The following NIPBL variants were observed in gnomAD, a reference collection of about 807,000 sequenced individuals.
NIPBL encodes the protein nipped-B-like protein.
NIPBL carries 19 observed loss-of-function variants against 321.8 expected under a neutral mutation model. That is an observed-to-expected ratio of 0.06 (90% confidence interval 0.04 to 0.09). The LOEUF (loss-of-function observed/expected upper bound fraction) is 0.09. NIPBL is among the 10% of genes least tolerant of loss of function. The pLI is 1.00. For missense variants in NIPBL, 2,210 were observed against 3,327.0 expected (o/e 0.66, Z 8.26); for synonymous variants, 1,106 against 1,114.1 (o/e 0.99, Z 0.14).
At position 36,976,226 on chromosome 5, in the gene NIPBL, A is replaced by C; in HGVS notation, c.1319A>C (p.Asn440Thr). Residue 440 changes from asparagine (N) to threonine (T), a missense_variant, in exon 9 of 47, where the codon AAC (asparagine) becomes ACC (threonine). By Grantham distance (65) the Asn-to-Thr change is moderately conservative. Coordinates refer to ENST00000282516, the MANE Select transcript of NIPBL (RefSeq NM_133433.4). ...AATCAAGTGCCTGTTTTACAACAGAACACTTCAGTTGCTGCAAAACAACCC... is the reference window on the plus strand; with the variant it reads ...AATCAAGTGCCTGTTTTACAACAGACCACTTCAGTTGCTGCAAAACAACCC... ...PANQVPVLQQ[N>T]TSVAAKQPQT... is the part of the protein sequence containing the mutation. 6.2e-7 allele frequency: 1 copy of C among 1,613,742 alleles called. No individual in the cohort carries two copies. The highest frequency in any genetic ancestry group is 8.5e-7 in the Non-Finnish European group (1 of 1,179,860).
intron 1 of NIPBL, among the ~76,000 whole-genome samples, chr5:36,902,502 A>G (rs1416867824): frequency 6.6e-6 from 1 of 151,960 alleles, no homozygotes; most frequent in Non-Finnish European, 1.5e-5. Flanking sequence ...TTGAATAGAG[A>G]GTCCTTTCCC....
chr5:36,900,690 T>C (rs1033112848), intron 1 of NIPBL, among the ~76,000 whole-genome samples: 20 of 152,144 alleles, frequency 1.3e-4, no homozygotes, highest in African/African-American at 4.8e-4. Context: ...TGTTTTGTTT[T>C]GTTTTTTTAA....
chr5:36,882,193 A>T (rs545758429), intron 1 of NIPBL, among the ~76,000 whole-genome samples: 1 of 152,030 alleles, frequency 6.6e-6, no homozygotes, highest in Admixed American at 6.5e-5. Context: ...CATCTTTATG[A>T]CAAATCTTTA....
At chr5:37,013,141 C>G (rs1210020778) in intron 21 of NIPBL, among the ~76,000 whole-genome samples, 22 of 145,946 alleles carry the variant, frequency 1.5e-4, no homozygotes, top group African/African-American at 4.1e-4. Flanking sequence ...CCCTCACCTC[C>G]CGGACGGGGC....
chr5:37,026,883 C>T (rs1750334598), intron 31 of NIPBL, among the ~76,000 whole-genome samples: 1 of 150,994 alleles, frequency 6.6e-6, no homozygotes, highest in Non-Finnish European at 1.5e-5. Context: ...TACACTCCAG[C>T]CTGGGCAATA....
chr5:37,033,705 CAT>C (rs1270053859), intron 32 of NIPBL, among the ~76,000 whole-genome samples: 1,116 of 80,030 alleles, frequency 0.014, 69 homozygotes, highest in East Asian at 0.03. Flanking sequence ...CACACACACA[CAT>C]ATATATATAT....
At position 36,986,190 on chromosome 5, in the gene NIPBL, G is replaced by A. The variant is rs1395151133; in HGVS notation, c.3010G>A (p.Val1004Met). The A allele has an allele frequency of 2.5e-6, 4 of 1,609,048 alleles. No homozygotes were observed. The highest frequency in any genetic ancestry group is 3.4e-6 in the Non-Finnish European group (4 of 1,178,474). Residue 1004 changes from valine to methionine, a missense_variant, in exon 10 of 47, where the codon GTG becomes ATG. This residue lies in a region of NIPBL where 381 missense variants were observed against 642.3 expected (regional missense o/e 0.59). Coordinates refer to ENST00000282516, the MANE Select transcript of NIPBL (RefSeq NM_133433.4). ...DLNKGAKPVVVLQKLSLDDVQ... is the reference protein window; with the variant it reads ...DLNKGAKPVVMLQKLSLDDVQ... ...AAATAAAGGAGCTAAGCCTGTAGTT[G>A]TGCTACAAAAACTGTCTTTGGATGA... is the stretch of plus-strand genomic sequence containing the variant.
rs545255895 is a variant in NIPBL at position 36,918,276 on chromosome 5, C to G, written c.-79-35342C>G. Among the ~76,000 whole-genome samples, 50 of 152,212 alleles carry G rather than the reference C, an allele frequency of 3.3e-4. No individual in the cohort carries two copies. In the South Asian group the frequency reaches 0.01, roughly 31 times the overall value. ...GTTGGATTCCTAGGTATTTTATTCT[C>G]TTTGAAGCAACTGTGAGTGGGAGTT... On this transcript the variant is annotated intron_variant, in intron 1 of 46. Coordinates refer to ENST00000282516, the MANE Select transcript of NIPBL (RefSeq NM_133433.4).
chr5:36,952,049 T>TGCGC (rs1440415600), intron 1 of NIPBL, among the ~76,000 whole-genome samples: 69 of 113,774 alleles, frequency 6.1e-4, no homozygotes, highest in Non-Finnish European at 1.1e-3. Context: ...TGTGTGTGTG[T>TGCGC]GTGTGCGCGC....
chr5:37,058,424 T>A (rs1392895734), intron 43 of NIPBL, among the ~76,000 whole-genome samples: 1 of 152,188 alleles, frequency 6.6e-6, no homozygotes, highest in African/African-American at 2.4e-5. Context: ...TTTCATAAAG[T>A]ACAAAGAAAC....
chr5:36,884,293 A>T (rs1745724037), intron 1 of NIPBL, among the ~76,000 whole-genome samples: 1 of 152,160 alleles, frequency 6.6e-6, no homozygotes, highest in Admixed American at 6.5e-5. Flanking sequence ...GATGAAACCC[A>T]GAGCAGTTTC....
intron 6 of NIPBL, among the ~76,000 whole-genome samples, chr5:36,963,266 CTTAA>C (rs1741835421): frequency 1.3e-5 from 2 of 151,958 alleles, no homozygotes; most frequent in East Asian, 1.9e-4. Flanking sequence ...TTTTGTCCTC[CTTAA>C]TTAACAGCAA....
intron 8 of NIPBL, among the ~76,000 whole-genome samples, chr5:36,974,480 G>A (rs1453006170): frequency 6.6e-6 from 1 of 152,064 alleles, no homozygotes; most frequent in East Asian, 1.9e-4. Context: ...TAAATCTTCA[G>A]GTTTGTTAAC....
chr5:36,911,756 CT>C (rs1389092608), intron 1 of NIPBL, among the ~76,000 whole-genome samples: 3 of 152,098 alleles, frequency 2.0e-5, no homozygotes, highest in African/African-American at 7.2e-5. Flanking sequence ...TGTCATTGCT[CT>C]TCTACCCCTT....
chr5:36,939,309 A>G (rs1298948085), intron 1 of NIPBL, among the ~76,000 whole-genome samples: 1 of 152,064 alleles, frequency 6.6e-6, no homozygotes, highest in Non-Finnish European at 1.5e-5. Context: ...CCCACTTGGG[A>G]GTTTTCAGCC....
chr5:37,030,663 A>T (rs1038528440), intron 32 of NIPBL, among the ~76,000 whole-genome samples: 1 of 150,506 alleles, frequency 6.6e-6, no homozygotes, highest in Non-Finnish European at 1.5e-5. Flanking sequence ...CATTTATTGA[A>T]TTTTTTTTTA....
intron 7 of NIPBL, among the ~76,000 whole-genome samples, chr5:36,971,261 G>C (rs1580360475): frequency 1.5e-5 from 2 of 130,862 alleles, no homozygotes; most frequent in East Asian, 4.5e-4. Flanking sequence ...TTTATAAAGA[G>C]TTATTTAAAA....
chr5:36,935,267 C>G (rs1204872173), intron 1 of NIPBL, among the ~76,000 whole-genome samples: 1 of 152,090 alleles, frequency 6.6e-6, no homozygotes, highest in Non-Finnish European at 1.5e-5. Flanking sequence ...ATTCTTTTTC[C>G]TCTCCTGAAA....
At chr5:37,029,286 T>A (rs555422475) in intron 32 of NIPBL, among the ~76,000 whole-genome samples, 9 of 152,348 alleles carry the variant, frequency 5.9e-5, no homozygotes, top group Non-Finnish European at 1.0e-4. Flanking sequence ...TTTTTCTCAC[T>A]GTAGTTGTAC....
Sources: allele counts gnomAD v4.1 joint callset (sites outside exome capture counted in the v4.1 genomes callset), GRCh38; gene constraint gnomAD v4.1.1; regional missense constraint gnomAD v4.1.1; transcripts MANE v1.5; gene names NCBI Gene and HGNC (gene_info 2026-07-23, HGNC 2026-07-21).